THSD7A: variants seen among roughly 807,000 people sequenced by gnomAD.
The protein encoded by THSD7A is thrombospondin type-1 domain-containing protein 7A.
Under a neutral mutation model 231.3 loss-of-function variants are expected in THSD7A, and 96 were observed. The observed-to-expected ratio is 0.41, with a 90% CI of 0.35 to 0.49. The LOEUF (loss-of-function observed/expected upper bound fraction) is 0.49, where lower values mean the gene tolerates loss of function less well. THSD7A is among the 20% of genes least tolerant of loss of function. The pLI, the probability that THSD7A is intolerant of heterozygous loss-of-function variation, is 0.05. For missense variants in THSD7A, 2,290 were observed against 2,070.2 expected (o/e 1.11, Z -2.06); for synonymous variants, 940 against 743.3 (o/e 1.26, Z -4.30).
At chr7:11,403,831 G>A (rs1030486033) in intron 22 of THSD7A, among the ~76,000 whole-genome samples, 4 of 152,140 alleles carry the variant, frequency 2.6e-5, no homozygotes, top group Non-Finnish European at 4.4e-5. Flanking sequence ...TTTTGACCAT[G>A]TAAACCATTG....
chr7:11,512,588 G>A (rs1583881048), intron 6 of THSD7A, among the ~76,000 whole-genome samples: 1 of 151,960 alleles, frequency 6.6e-6, no homozygotes, highest in South Asian at 2.1e-4. Flanking sequence ...ATACACCACA[G>A]AATACTATGC....
chr7:11,641,078 T>C (rs1279185025), intron 1 of THSD7A, among the ~76,000 whole-genome samples: 4 of 152,270 alleles, frequency 2.6e-5, no homozygotes, highest in Non-Finnish European at 4.4e-5. Context: ...TATAGAAATA[T>C]TGACAAGTGT....
chr7:11,794,964 T>C (rs1784080348), intron 1 of THSD7A, among the ~76,000 whole-genome samples: 1 of 152,046 alleles, frequency 6.6e-6, no homozygotes, highest in African/African-American at 2.4e-5. Flanking sequence ...ACTTTATAAA[T>C]ACTATCATTG....
intron 15 of THSD7A, among the ~76,000 whole-genome samples, chr7:11,425,657 C>A (rs1399032162): frequency 6.6e-6 from 1 of 151,708 alleles, no homozygotes; most frequent in African/African-American, 2.4e-5. Context: ...TGCAACCAAG[C>A]TGACTCAAGC....
chr7:11,762,413 T>A (rs1300415685), intron 1 of THSD7A, among the ~76,000 whole-genome samples: 1 of 152,168 alleles, frequency 6.6e-6, no homozygotes, highest in Non-Finnish European at 1.5e-5. Flanking sequence ...TATTTTTGAC[T>A]TTAGTAACAG....
At chr7:11,750,792 C>T (rs1342901912) in intron 1 of THSD7A, among the ~76,000 whole-genome samples, 2 of 151,982 alleles carry the variant, frequency 1.3e-5, no homozygotes, top group African/African-American at 4.8e-5. Flanking sequence ...GCAAGCTTAG[C>T]ATCCCTTTTG....
chr7:11,710,707 T>C (rs910317848), intron 1 of THSD7A, among the ~76,000 whole-genome samples: 2 of 150,898 alleles, frequency 1.3e-5, no homozygotes, highest in African/African-American at 2.4e-5. Context: ...TTTATTATTT[T>C]ATCCAAGAAA....
chr7:11,599,394 G>A (rs1348939880), intron 2 of THSD7A, among the ~76,000 whole-genome samples: 1 of 152,110 alleles, frequency 6.6e-6, no homozygotes, highest in Non-Finnish European at 1.5e-5. Flanking sequence ...ACGACCACGT[G>A]GCCAGCTGCA....
chr7:11,742,776 G>C (rs999326268), intron 1 of THSD7A, among the ~76,000 whole-genome samples: 3 of 151,900 alleles, frequency 2.0e-5, no homozygotes, highest in African/African-American at 7.2e-5. Context: ...GGTCAGATCA[G>C]ACAGAGGAAG....
chr7:11,495,717 G>A (rs1787069707), intron 6 of THSD7A, among the ~76,000 whole-genome samples: 1 of 152,132 alleles, frequency 6.6e-6, no homozygotes, highest in African/African-American at 2.4e-5. Flanking sequence ...CTGCCTATGT[G>A]ATCAAACAAG....
intron 1 of THSD7A, among the ~76,000 whole-genome samples, chr7:11,704,469 G>C (rs17165069): frequency 6.7e-6 from 1 of 150,354 alleles, no homozygotes; most frequent in African/African-American, 2.4e-5. Flanking sequence ...TCTTAAAACA[G>C]TATCTCTCCT....
At chr7:11,767,047 T>A (rs1325390073) in intron 1 of THSD7A, among the ~76,000 whole-genome samples, 1 of 152,182 alleles carries the variant, frequency 6.6e-6, no homozygotes, top group African/African-American at 2.4e-5. Flanking sequence ...CTTCTTTTAA[T>A]GATTTGGGAA....
chr7:11,789,393 G>A (rs1055824765), intron 1 of THSD7A, among the ~76,000 whole-genome samples: 1 of 151,982 alleles, frequency 6.6e-6, no homozygotes, highest in Non-Finnish European at 1.5e-5. Context: ...CTGTGCAGAG[G>A]GCAAGAATGG....
Position 11,411,829 on chromosome 7 carries a change from CTCTTA to C in THSD7A, c.3683-512_3683-508del, listed in dbSNP as rs1028743615. The stretch of plus-strand genomic sequence containing the variant: ...ATCACTTTGGCCATATTTATTCATT[CTCTTA>C]TGTCTTTCGTAAGAAGACATAAAAG... On this transcript the variant is annotated intron_variant, in intron 18 of 27. Transcript: ENST00000423059. This position sits in a 1 kb window ranked among gnomAD's most constrained non-coding sequence, Gnocchi z 4.1. Among the ~76,000 whole-genome samples the C allele has an allele frequency of 6.6e-6, 1 of 151,782 alleles. No individual in the cohort carries two copies. The highest frequency in any genetic ancestry group is 1.5e-5 in the Non-Finnish European group (1 of 67,990).
chr7:11,600,757 G>A (rs994505110), intron 2 of THSD7A, among the ~76,000 whole-genome samples: 1 of 152,172 alleles, frequency 6.6e-6, no homozygotes, highest in Non-Finnish European at 1.5e-5. Context: ...ATCAACCATA[G>A]AGATGCTGGT....
intron 6 of THSD7A, among the ~76,000 whole-genome samples, chr7:11,519,855 A>G (rs1363867291): frequency 6.6e-6 from 1 of 152,190 alleles, no homozygotes; most frequent in African/African-American, 2.4e-5. Flanking sequence ...GAAAGCATGC[A>G]AATCCTTCTA....
chr7:11,734,241 G>T (rs1282548563), intron 1 of THSD7A, among the ~76,000 whole-genome samples: 1 of 151,802 alleles, frequency 6.6e-6, no homozygotes, highest in African/African-American at 2.4e-5. Context: ...TTAAAATTTT[G>T]CCTCGCCCCA....
chr7:11,738,229 T>C lies in THSD7A; in HGVS notation c.190+93528A>G, dbSNP rs748170523. On this transcript the variant is annotated intron_variant, in intron 1 of 27. Coordinates refer to ENST00000423059, the MANE Select transcript of THSD7A (RefSeq NM_015204.3). ...CACTATATTGATTGAGCATCCCAAA[T>C]CTGAAAATCCAAAATCTAAAATGCT... Among the ~76,000 whole-genome samples the C allele has an allele frequency of 4.6e-5, 7 of 152,126 alleles. 1 individual carries two copies. The South Asian group carries it at 1.2e-3, about 27-fold the overall frequency.
rs557066886 is a variant in THSD7A at position 11,808,809 on chromosome 7, G to C, written c.190+22948C>G. 9.2e-5 allele frequency among the ~76,000 whole-genome samples: 14 copies of C among 151,912 alleles called. No homozygotes were observed. The South Asian group carries it at 2.7e-3, about 29-fold the overall frequency. ...TGAATTTTAAGGAATGCACCATAAG[G>C]AATAACTCAGAGATGGGCAAAAAAT... On this transcript the variant is annotated intron_variant, in intron 1 of 27. Transcript: ENST00000423059.
Sources: gnomAD v4.1 joint callset for allele counts (sites outside exome capture counted in the v4.1 genomes callset) on GRCh38, gnomAD v4.1.1 for gene constraint, Gnocchi (gnomAD v3.1) non-coding constraint, MANE v1.5 for transcripts, NCBI Gene and HGNC (gene_info 2026-07-23, HGNC 2026-07-21) for gene names.